RINT1: variants seen among roughly 807,000 people sequenced by gnomAD.
The protein encoded by RINT1 is RAD50 interactor 1.
A neutral mutation model predicts 97.7 loss-of-function variants in RINT1; 75 were observed. That is an observed-to-expected ratio of 0.77 (90% CI 0.64 to 0.93). The LOEUF is 0.93. Ranked by LOEUF, RINT1 falls within the 40% of genes least tolerant of loss-of-function variation. The pLI is 0.00. For synonymous variants in RINT1, 303 were observed against 326.3 expected (o/e 0.93, Z 0.77); for missense variants, 892 against 925.2 (o/e 0.96, Z 0.47).
At chr7:105,542,788 A>G (rs547857117) in intron 4 of RINT1, 139 bp downstream of exon 4, 2 of 890,956 alleles carry the variant, frequency 2.2e-6, no homozygotes, top group Admixed American at 7.3e-5. Flanking sequence ...TGAAAATAGC[A>G]TTATGATAAT....
rs771473733 is a variant in RINT1, at chr7:105,567,280, T to G, written c.2348T>G (p.Leu783Trp). 6.2e-7 allele frequency: 1 copy of G among 1,607,762 alleles called. No individual in the cohort carries two copies. The highest frequency in any genetic ancestry group is 8.5e-7 in the Non-Finnish European group (1 of 1,178,192). Residue 783 changes from leucine to tryptophan, a missense_variant, in exon 15 of 15, where the codon TTG becomes TGG. By Grantham distance (61) the Leu-to-Trp change is moderately conservative. Coordinates refer to ENST00000257700, the MANE Select transcript of RINT1 (RefSeq NM_021930.6). ...AQQDVEILLN[L>W]RTNWPNTGK ...CAAGATGTTGAGATTCTACTTAATT[T>G]GAGGACAAATTGGCCTAATACTGGA...
Position 105,567,308 on chromosome 7 carries a change from A to G in RINT1, c.2376A>G (p.Lys792=). 6.3e-7 allele frequency: 1 copy of G among 1,580,838 alleles called. No individual in the cohort carries two copies. Among genetic ancestry groups the G allele is most frequent in the Admixed American group, 1.9e-5 (1 of 52,990 alleles). The change falls in exon 15 of 15, where the codon AAA becomes AAG. Residue 792 remains lysine, a synonymous_variant. Transcript: ENST00000257700. ...NLRTNWPNTG[K] Reference sequence around the variant, plus strand: ...GGACAAATTGGCCTAATACTGGAAAATAATGTCTTTCAGAAAAAGGTTTCT... The same window carrying G: ...GGACAAATTGGCCTAATACTGGAAAGTAATGTCTTTCAGAAAAAGGTTTCT...
At chr7:105,548,838 C>A in intron 7 of RINT1, 128 bp downstream of exon 7, 1 of 835,768 alleles carries the variant, frequency 1.2e-6, no homozygotes, top group South Asian at 1.8e-5. Flanking sequence ...GGGCTACATT[C>A]CTGTTTTGTT....
At chr7:105,536,926 A>G (rs1210802429) in intron 3 of RINT1, among the ~76,000 whole-genome samples, 177 bp downstream of exon 3, 1 of 152,162 alleles carries the variant, frequency 6.6e-6, no homozygotes, top group South Asian at 2.1e-4. Context: ...AAATTAGGTA[A>G]AAGACAAAGT....
At chr7:105,555,342 T>C in intron 11 of RINT1, 115 bp downstream of exon 11, 3 of 767,084 alleles carry the variant, frequency 3.9e-6, no homozygotes, top group Non-Finnish European at 6.1e-6. Context: ...GACAGAACCA[T>C]AGTGCCATAA....
At chr7:105,558,797 A>G (rs544520881) in intron 11 of RINT1, among the ~76,000 whole-genome samples, 1 of 63,038 alleles carries the variant, frequency 1.6e-5, no homozygotes. Context: ...CTGTCTCTAC[A>G]TAAAATAAAA....
rs778125574 is a variant in RINT1 at position 105,550,315 on chromosome 7, A to G, written c.1162A>G (p.Ile388Val). The part of the protein sequence containing the change: ...MLVLEKLATD[I>V]PCLLYDDNLF... ...GGTTCTTGAGAAGTTAGCCACTGATATTCCTTGTCTGCTATATGATGACAA... is the reference window on the plus strand; with the variant it reads ...GGTTCTTGAGAAGTTAGCCACTGATGTTCCTTGTCTGCTATATGATGACAA... The change falls in exon 9 of 15, where the codon ATT becomes GTT. Residue 388 changes from isoleucine (I) to valine (V), a missense_variant. Coordinates refer to ENST00000257700, the MANE Select transcript of RINT1 (RefSeq NM_021930.6). 6 of 1,614,082 alleles carry G rather than the reference A, an allele frequency of 3.7e-6. 1 individual carries two copies. In the South Asian group the frequency reaches 6.6e-5, roughly 18 times the overall value.
intron 9 of RINT1, 39 bp downstream of exon 9, chr7:105,550,525 T>G: frequency 1.4e-6 from 2 of 1,407,794 alleles, no homozygotes; most frequent in Non-Finnish European, 2.0e-6. Flanking sequence ...GAGATATGTC[T>G]GTTTCTGTGG....
chr7:105,563,306 T>C (rs1791521420), intron 11 of RINT1, among the ~76,000 whole-genome samples: 1 of 152,136 alleles, frequency 6.6e-6, no homozygotes, highest in Non-Finnish European at 1.5e-5. Context: ...GTGATGAAAA[T>C]GTTCTAAAAT....
intron 2 of RINT1, among the ~76,000 whole-genome samples, chr7:105,536,189 G>A (rs902644789): frequency 6.6e-6 from 1 of 151,820 alleles, no homozygotes; most frequent in African/African-American, 2.4e-5. Flanking sequence ...TACAGAGTCT[G>A]TCTGTGTCGC....
chr7:105,541,336 C>G (rs1790449813), intron 3 of RINT1, among the ~76,000 whole-genome samples: 1 of 151,030 alleles, frequency 6.6e-6, no homozygotes, highest in South Asian at 2.1e-4. Context: ...GGGGTTTCAT[C>G]ATGTTGGCCA....
chr7:105,547,577 G>A (rs916717639), intron 6 of RINT1, among the ~76,000 whole-genome samples: 1 of 152,100 alleles, frequency 6.6e-6, no homozygotes, highest in African/African-American at 2.4e-5. Flanking sequence ...GCACAAAAAG[G>A]TCTCTTGGGG....
intron 9 of RINT1, 129 bp from the exon 10 acceptor site, chr7:105,551,441 C>A: frequency 1.4e-6 from 1 of 730,466 alleles, no homozygotes; most frequent in Non-Finnish European, 2.1e-6. Context: ...AAATTTAGTA[C>A]AACCAGTGGG....
chr7:105,546,611 C>G (rs556028258), intron 4 of RINT1, among the ~76,000 whole-genome samples: 1 of 152,168 alleles, frequency 6.6e-6, no homozygotes, highest in South Asian at 2.1e-4. Flanking sequence ...CGGTGACTCA[C>G]GCCTCTAATC....
rs367923152 is a variant in RINT1 at position 105,565,646 on chromosome 7, A to G, written c.2184A>G (p.Lys728=). 501 of 1,563,200 alleles carry G rather than the reference A, an allele frequency of 3.2e-4. 1 individual carries two copies. The highest frequency in any genetic ancestry group is 4.2e-4 in the Non-Finnish European group (475 of 1,135,866). ...HYCKRPENYF[K]HIKEACIVLN... is the part of the protein sequence containing the mutation. ...GCAAGAGACCAGAAAATTATTTTAAACAGTAAGCTCAACATTTAACAATTA... is the reference window on the plus strand; with the variant it reads ...GCAAGAGACCAGAAAATTATTTTAAGCAGTAAGCTCAACATTTAACAATTA... The change falls in exon 14 of 15, where the codon AAA becomes AAG. Residue 728 remains lysine (K), a splice_region_variant and synonymous_variant. Coordinates refer to ENST00000257700, the MANE Select transcript of RINT1 (RefSeq NM_021930.6).
At chr7:105,539,421 C>T (rs932495124) in intron 3 of RINT1, among the ~76,000 whole-genome samples, 1 of 142,340 alleles carries the variant, frequency 7.0e-6, no homozygotes, top group Non-Finnish European at 1.5e-5. Flanking sequence ...AGTGCAATGG[C>T]ACAATCTTGG....
chr7:105,550,654 A>G (rs1790887993), intron 9 of RINT1, among the ~76,000 whole-genome samples, 168 bp downstream of exon 9: 1 of 152,018 alleles, frequency 6.6e-6, no homozygotes, highest in South Asian at 2.1e-4. Flanking sequence ...TTCACATGAA[A>G]CTTCCATTTT....
chr7:105,535,922 A>G (rs1442808094), intron 2 of RINT1, among the ~76,000 whole-genome samples: 1 of 152,164 alleles, frequency 6.6e-6, no homozygotes. Flanking sequence ...TTGAAAAGGT[A>G]TTATTCCTTG....
chr7:105,553,727 T>A (rs1230364183), intron 10 of RINT1, among the ~76,000 whole-genome samples: 3 of 148,612 alleles, frequency 2.0e-5, no homozygotes, highest in African/African-American at 7.4e-5. Flanking sequence ...ATTGTCTTTT[T>A]TTTTTTTCTT....
Sources: allele counts gnomAD v4.1 joint callset (sites outside exome capture counted in the v4.1 genomes callset), GRCh38; gene constraint gnomAD v4.1.1; transcripts MANE v1.5; gene names NCBI Gene and HGNC (gene_info 2026-07-23, HGNC 2026-07-21).